The following NAV3 variants were observed in gnomAD, a reference collection of about 807,000 sequenced individuals.
NAV3 encodes neuron navigator 3, also known as pore membrane and/or filament interacting like protein 1.
In NAV3, 87 loss-of-function variants were observed where a neutral mutation model predicts 244.7. That is an observed-to-expected ratio of 0.36 (90% CI 0.30 to 0.42). NAV3 has a LOEUF of 0.42. NAV3 is among the 20% of genes least tolerant of loss of function. The pLI, the probability that NAV3 is intolerant of heterozygous loss-of-function variation, is 1.00. For synonymous variants in NAV3, 1,126 were observed against 1,042.2 expected, an observed-to-expected ratio of 1.08 and a Z score of -1.55; for missense variants, 2,663 against 2,893.3, an observed-to-expected ratio of 0.92 and a Z score of 1.83.
chr12:78,045,288 C>T (rs770513896), intron 9 of NAV3, among the ~76,000 whole-genome samples: 40 of 152,152 alleles, frequency 2.6e-4, no homozygotes, highest in South Asian at 1.2e-3. Context: ...CCAACTTGAT[C>T]GTGGTGGATA....
chr12:77,894,519 CTTGA>C (rs1330626759), intron 1 of NAV3, among the ~76,000 whole-genome samples: 2 of 151,912 alleles, frequency 1.3e-5, no homozygotes, highest in Non-Finnish European at 2.9e-5. Context: ...GAGAGAGAAA[CTTGA>C]TTAATAGAAA....
At chr12:77,677,944 C>T (rs1874280101) in intron 2 of NAV3, among the ~76,000 whole-genome samples, 1 of 151,940 alleles carries the variant, frequency 6.6e-6, no homozygotes. Context: ...TTTTTTTTCA[C>T]AGATTTATTA....
chr12:78,109,742 C>A (rs934868240), intron 12 of NAV3, among the ~76,000 whole-genome samples: 11 of 151,736 alleles, frequency 7.2e-5, no homozygotes, highest in Non-Finnish European at 1.6e-4. Flanking sequence ...TGATAAATTT[C>A]AACATCTCTT....
intron 2 of NAV3, among the ~76,000 whole-genome samples, chr12:77,702,477 C>T (rs1434216673): frequency 6.6e-6 from 1 of 151,864 alleles, no homozygotes; most frequent in Non-Finnish European, 1.5e-5. Flanking sequence ...AATAAGTTTA[C>T]CATCTTGCTA....
At chr12:78,147,113 TC>T (rs1307759346) in intron 21 of NAV3, among the ~76,000 whole-genome samples, 13 of 152,214 alleles carry the variant, frequency 8.5e-5, no homozygotes, top group Admixed American at 4.6e-4. Context: ...AGTATTCCTT[TC>T]CTTTGAAGTC....
intron 3 of NAV3, chr12:77,947,461 G>A (rs565173995): frequency 6.7e-6 from 1 of 150,120 alleles, no homozygotes; most frequent in Non-Finnish European, 1.5e-5. Flanking sequence ...TAACCAAATA[G>A]GGAAGAGATA....
intron 9 of NAV3, among the ~76,000 whole-genome samples, chr12:78,048,315 G>A (rs573012319): frequency 6.6e-6 from 1 of 152,238 alleles, no homozygotes; most frequent in African/African-American, 2.4e-5. Flanking sequence ...GGAATTTTCA[G>A]CCTTTTTGCA....
chr12:77,964,657 G>A (rs1892355636), intron 3 of NAV3, among the ~76,000 whole-genome samples: 1 of 152,072 alleles, frequency 6.6e-6, no homozygotes, highest in African/African-American at 2.4e-5. Context: ...ATATATTTCA[G>A]CACTGTCGCC....
At chr12:78,018,482 T>C (rs546743544) in intron 8 of NAV3, among the ~76,000 whole-genome samples, 1 of 152,334 alleles carries the variant, frequency 6.6e-6, no homozygotes, top group South Asian at 2.1e-4. Context: ...CTCCAGACTT[T>C]CTTAGATGGA....
intron 2 of NAV3, among the ~76,000 whole-genome samples, chr12:77,705,057 T>C (rs774011735): frequency 2.0e-5 from 3 of 152,204 alleles, no homozygotes; most frequent in Non-Finnish European, 4.4e-5. Flanking sequence ...TGAGAGAATA[T>C]GTCTTTGTAA....
At chr12:78,196,012 C>A (rs976859681) in intron 34 of NAV3, among the ~76,000 whole-genome samples, 1 of 151,952 alleles carries the variant, frequency 6.6e-6, no homozygotes, top group Non-Finnish European at 1.5e-5. Context: ...TTTTTGTATA[C>A]CCAGGGCTTG....
At chr12:77,633,646 A>G (rs1374944617) in intron 2 of NAV3, among the ~76,000 whole-genome samples, 1 of 152,192 alleles carries the variant, frequency 6.6e-6, no homozygotes, top group East Asian at 1.9e-4. Context: ...ATACTATTTT[A>G]TGTTAGCAGT....
chr12:77,949,292 C>T (rs1890654272), intron 3 of NAV3, among the ~76,000 whole-genome samples: 1 of 152,050 alleles, frequency 6.6e-6, no homozygotes, highest in Non-Finnish European at 1.5e-5. Context: ...TTATGCTTTT[C>T]ATTTAGCCAT....
At chr12:78,175,179 T>C (rs1958166844) in intron 24 of NAV3, 127 bp from the exon 25 acceptor site, 1 of 976,090 alleles carries the variant, frequency 1.0e-6, no homozygotes, top group Non-Finnish European at 1.5e-6. Flanking sequence ...CAAAACTGCA[T>C]TGAAATTATC....
chr12:78,120,960 G>T (rs1377169231), intron 15 of NAV3, among the ~76,000 whole-genome samples: 4 of 152,168 alleles, frequency 2.6e-5, no homozygotes, highest in African/African-American at 9.7e-5. Flanking sequence ...TATTAATGCT[G>T]CAGAACTGTC....
At chr12:77,911,012 G>A (rs1265720924) in intron 1 of NAV3, among the ~76,000 whole-genome samples, 1 of 152,050 alleles carries the variant, frequency 6.6e-6, no homozygotes, top group Non-Finnish European at 1.5e-5. Flanking sequence ...GAAGTGAATG[G>A]CTATCTTTTT....
intron 6 of NAV3, among the ~76,000 whole-genome samples, chr12:77,997,193 G>T (rs980235663): frequency 8.4e-5 from 11 of 131,594 alleles, no homozygotes; most frequent in African/African-American, 3.2e-4. Context: ...GGCTGAGATT[G>T]TGCCACTGCA....
At chr12:77,604,083 A>C (rs920172852) in intron 2 of NAV3, among the ~76,000 whole-genome samples, 12 of 152,110 alleles carry the variant, frequency 7.9e-5, no homozygotes, top group Non-Finnish European at 1.5e-5. Flanking sequence ...GAAGGACTTA[A>C]GAGTGACAGG....
chr12:78,181,950 T>G (rs886590008), intron 30 of NAV3, among the ~76,000 whole-genome samples: 1 of 152,044 alleles, frequency 6.6e-6, no homozygotes, highest in Non-Finnish European at 1.5e-5. Flanking sequence ...ATTCTGCTAT[T>G]ATGGCTGCTC....
Sources: gnomAD v4.1 joint callset for allele counts (sites outside exome capture counted in the v4.1 genomes callset) on GRCh38, gnomAD v4.1.1 for gene constraint, MANE v1.5 for transcripts, NCBI Gene and HGNC (gene_info 2026-07-23, HGNC 2026-07-21) for gene names.